Variants in KCNQ5 observed in about 807,000 individuals in gnomAD.
KCNQ5 encodes potassium voltage-gated channel subfamily Q member 5.
KCNQ5 carries 30 observed loss-of-function variants against 98.2 expected under a neutral mutation model. The ratio of observed to expected loss-of-function variants is 0.31; its 90% CI spans 0.23 to 0.41. The LOEUF (loss-of-function observed/expected upper bound fraction) is 0.41, where lower values mean the gene tolerates loss of function less well. KCNQ5 is among the 10% of genes least tolerant of loss of function. The pLI, the probability that KCNQ5 is intolerant of heterozygous loss-of-function variation, is 1.00. For missense variants in KCNQ5, 835 were observed against 1,182.5 expected (o/e 0.71, Z 4.31); for synonymous variants, 458 against 449.4 (o/e 1.02, Z -0.24).
chr6:72,658,253 T>G (rs965613151), intron 1 of KCNQ5, among the ~76,000 whole-genome samples: 2 of 152,222 alleles, frequency 1.3e-5, no homozygotes, highest in Admixed American at 1.3e-4. Flanking sequence ...TCATTTTTGG[T>G]GATGTGTAAA....
intron 1 of KCNQ5, among the ~76,000 whole-genome samples, chr6:72,633,366 T>A (rs1239045692): frequency 6.6e-6 from 1 of 152,194 alleles, no homozygotes; most frequent in East Asian, 1.9e-4. Flanking sequence ...TTCTCCCATT[T>A]TGTAAGTTGT....
At chr6:72,890,129 A>T (rs1382029737) in intron 1 of KCNQ5, among the ~76,000 whole-genome samples, 3 of 140,722 alleles carry the variant, frequency 2.1e-5, no homozygotes, top group Admixed American at 1.8e-4. Flanking sequence ...GTTGAAACAT[A>T]ATTGATATAT....
chr6:73,150,703 A>G (rs1410581466), intron 10 of KCNQ5, among the ~76,000 whole-genome samples: 1 of 151,648 alleles, frequency 6.6e-6, no homozygotes, highest in African/African-American at 2.4e-5. Context: ...ATTGATACAC[A>G]CAACAATGCA....
chr6:73,116,510 T>A (rs1775502289), intron 7 of KCNQ5, among the ~76,000 whole-genome samples: 1 of 151,898 alleles, frequency 6.6e-6, no homozygotes, highest in South Asian at 2.1e-4. Context: ...TACAAAAAAA[T>A]TTTAAAAAGT....
chr6:73,178,690 C>T (rs901470198), intron 11 of KCNQ5, among the ~76,000 whole-genome samples: 4 of 151,956 alleles, frequency 2.6e-5, no homozygotes, highest in Admixed American at 1.3e-4. Flanking sequence ...TCAGTGCATC[C>T]AGGGACTCCT....
In KCNQ5 at chr6:72,731,725, C is replaced by T. The variant is rs117492401; in HGVS notation, c.398+109138C>T. On this transcript the variant is annotated intron_variant, in intron 1 of 13. Coordinates refer to ENST00000370398, the MANE Select transcript of KCNQ5 (RefSeq NM_019842.4). Reference sequence around the variant, plus strand: ...AGTCCCACTCTGTCACTCATCTCCTCCTTAAGTGTACAAGAGGTTGCTCCC... The same window carrying T: ...AGTCCCACTCTGTCACTCATCTCCTTCTTAAGTGTACAAGAGGTTGCTCCC... Among the ~76,000 whole-genome samples, 90 of 152,300 alleles carry T rather than the reference C, an allele frequency of 5.9e-4. No individual in the cohort carries two copies. The East Asian group carries it at 0.017, about 29-fold the overall frequency.
chr6:72,772,540 T>A (rs530137671), intron 1 of KCNQ5, among the ~76,000 whole-genome samples: 30 of 152,218 alleles, frequency 2.0e-4, no homozygotes, highest in African/African-American at 5.8e-4. Context: ...CATTAACACG[T>A]GTTAACCTTG....
rs79025364 is a variant in KCNQ5, at chr6:72,881,371, T to G, written c.399-122537T>G. Reference sequence around the variant, plus strand: ...TGGATTTCAATTTGGCCATAAATGGTTTTAAGCCCATTTTCACTTCTTCTT... The same window carrying G: ...TGGATTTCAATTTGGCCATAAATGGGTTTAAGCCCATTTTCACTTCTTCTT... On this transcript the variant is annotated intron_variant, in intron 1 of 13. Coordinates refer to ENST00000370398, the MANE Select transcript of KCNQ5 (RefSeq NM_019842.4). Among the ~76,000 whole-genome samples the G allele has an allele frequency of 5.9e-5, 9 of 152,302 alleles. No homozygotes were observed. The East Asian group carries it at 1.7e-3, about 29-fold the overall frequency.
intron 1 of KCNQ5, among the ~76,000 whole-genome samples, chr6:72,683,596 TGAACTCATGA>T (rs1394649654): frequency 7.2e-5 from 11 of 151,974 alleles, no homozygotes; most frequent in Non-Finnish European, 1.5e-4. Flanking sequence ...CTTGATTTCC[TGAACTCATGA>T]TCCACCTGCC....
At position 73,120,485 on chromosome 6, in the gene KCNQ5, T is replaced by C; in HGVS notation, c.1128T>C (p.Cys376=). Reference sequence around the variant, plus strand: ...GTCCCCATCTATGCCACATGCAGTGTGTTTGGCGTAGTTACGCAGCTGATG... The same window carrying C: ...GTCCCCATCTATGCCACATGCAGTGCGTTTGGCGTAGTTACGCAGCTGATG... ...RRNPAANLIQ[C]VWRSYAADEK... The change falls in exon 8 of 14, where the codon TGT becomes TGC. Residue 376 remains cysteine (C), a splice_region_variant and synonymous_variant. Transcript: ENST00000370398. 6.2e-7 allele frequency: 1 copy of C among 1,610,304 alleles called. No homozygotes were observed. The highest frequency in any genetic ancestry group is 2.2e-5 in the East Asian group (1 of 44,844).
chr6:73,002,997 C>T (rs1769654206), intron 1 of KCNQ5, among the ~76,000 whole-genome samples: 1 of 152,072 alleles, frequency 6.6e-6, no homozygotes, highest in African/African-American at 2.4e-5. Context: ...TTTAAGACAG[C>T]TTACTATATG....
intron 1 of KCNQ5, among the ~76,000 whole-genome samples, chr6:72,931,127 C>G (rs1765675922): frequency 6.6e-6 from 1 of 152,028 alleles, no homozygotes; most frequent in Non-Finnish European, 1.5e-5. Context: ...TGCCTGATGT[C>G]TTTTATTGCC....
intron 13 of KCNQ5, 50 bp downstream of exon 13, chr6:73,192,741 A>C: frequency 6.8e-7 from 1 of 1,462,626 alleles, no homozygotes; most frequent in African/African-American, 1.4e-5. Flanking sequence ...TTTTTTAATC[A>C]AAATTTATTA....
chr6:72,671,074 A>C (rs188918954), intron 1 of KCNQ5, among the ~76,000 whole-genome samples: 2 of 152,336 alleles, frequency 1.3e-5, no homozygotes, highest in Admixed American at 6.5e-5. Context: ...GTCCTCATCC[A>C]AATGACCTTT....
At chr6:73,065,855 T>C (rs936966901) in intron 3 of KCNQ5, among the ~76,000 whole-genome samples, 1 of 152,004 alleles carries the variant, frequency 6.6e-6, no homozygotes, top group Non-Finnish European at 1.5e-5. Context: ...CAACCGAAAA[T>C]ACTAAAAACG....
At chr6:72,821,097 G>A (rs1775733621) in intron 1 of KCNQ5, among the ~76,000 whole-genome samples, 1 of 152,234 alleles carries the variant, frequency 6.6e-6, no homozygotes, top group African/African-American at 2.4e-5. Context: ...ACAATGTGGG[G>A]ATGTTGAGAC....
intron 1 of KCNQ5, among the ~76,000 whole-genome samples, chr6:72,623,596 C>T (rs889388274): frequency 6.6e-6 from 1 of 152,086 alleles, no homozygotes; most frequent in African/African-American, 2.4e-5. Flanking sequence ...TTTATCTGGG[C>T]ATTTTAAGGT....
chr6:72,700,047 A>T (rs536616467), intron 1 of KCNQ5, among the ~76,000 whole-genome samples: 1 of 152,318 alleles, frequency 6.6e-6, no homozygotes, highest in South Asian at 2.1e-4. Context: ...CACTTAAAAC[A>T]TTATAGAGTA....
intron 3 of KCNQ5, among the ~76,000 whole-genome samples, chr6:73,044,074 C>T (rs529403524): frequency 4.1e-4 from 63 of 152,230 alleles, no homozygotes; most frequent in African/African-American, 1.5e-3. Flanking sequence ...TCACTTGAGC[C>T]CAGGAGTTTA....
Sources: gnomAD v4.1 joint callset for allele counts (sites outside exome capture counted in the v4.1 genomes callset) on GRCh38, gnomAD v4.1.1 for gene constraint, MANE v1.5 for transcripts, NCBI Gene and HGNC (gene_info 2026-07-23, HGNC 2026-07-21) for gene names.